Variants in WWOX observed in about 807,000 individuals in gnomAD.
WWOX encodes the protein WW domain containing oxidoreductase.
WWOX carries 69 observed loss-of-function variants against 46.2 expected under a neutral mutation model. The ratio of observed to expected loss-of-function variants is 1.49; its 90% CI spans 1.23 to 1.82. The LOEUF is 1.82. Ranked by LOEUF, WWOX falls within the 40% of genes most tolerant of loss-of-function variation. The pLI is 0.00. For synonymous variants in WWOX, 359 were observed against 202.6 expected, an observed-to-expected ratio of 1.77 and a Z score of -6.56; for missense variants, 919 against 542.6, an observed-to-expected ratio of 1.69 and a Z score of -6.89.
intron 8 of WWOX, among the ~76,000 whole-genome samples, chr16:78,697,014 G>A (rs1042534647): frequency 2.6e-5 from 4 of 152,216 alleles, no homozygotes; most frequent in African/African-American, 9.7e-5. Flanking sequence ...TCATGGCTGA[G>A]TAGTATTCCA....
intron 8 of WWOX, among the ~76,000 whole-genome samples, chr16:78,744,020 A>C (rs1293526225): frequency 6.6e-6 from 1 of 152,070 alleles, no homozygotes; most frequent in Non-Finnish European, 1.5e-5. Context: ...GTTTTGTCCA[A>C]TTCTTTATTC....
At chr16:78,722,025 G>T (rs140551102) in intron 8 of WWOX, among the ~76,000 whole-genome samples, 1 of 152,286 alleles carries the variant, frequency 6.6e-6, no homozygotes, top group East Asian at 1.9e-4. Context: ...CTAGAAGGTG[G>T]TATTTTGCAT....
At chr16:78,680,156 T>A (rs2047695861) in intron 8 of WWOX, among the ~76,000 whole-genome samples, 1 of 152,202 alleles carries the variant, frequency 6.6e-6, no homozygotes, top group African/African-American at 2.4e-5. Flanking sequence ...ACGCCTGTAA[T>A]CCCAGCACTG....
At chr16:78,560,207 C>T (rs1046582618) in intron 8 of WWOX, among the ~76,000 whole-genome samples, 1 of 152,100 alleles carries the variant, frequency 6.6e-6, no homozygotes, top group Non-Finnish European at 1.5e-5. Context: ...GAAACAGGTA[C>T]CTTTTGTGGA....
intron 8 of WWOX, among the ~76,000 whole-genome samples, chr16:79,151,433 G>C (rs115841167): frequency 1.2e-3 from 179 of 152,336 alleles, no homozygotes; most frequent in African/African-American, 3.9e-3. Flanking sequence ...CCCTGGACCA[G>C]ACATTCCTCA....
chr16:78,143,221 A>G (rs1404670497), intron 4 of WWOX, among the ~76,000 whole-genome samples: 2 of 152,258 alleles, frequency 1.3e-5, no homozygotes, highest in Non-Finnish European at 2.9e-5. Flanking sequence ...CTGCTTTCAT[A>G]GAAACTTGTA....
At chr16:78,949,897 C>T (rs11647189) in intron 8 of WWOX, among the ~76,000 whole-genome samples, 45,497 of 152,092 alleles carry the variant, frequency 0.3, 7,840 homozygotes, top group Non-Finnish European at 0.38. Context: ...TTAATAGTAG[C>T]AGCAGTATTT....
At chr16:79,144,711 C>T (rs2050152622) in intron 8 of WWOX, among the ~76,000 whole-genome samples, 1 of 152,124 alleles carries the variant, frequency 6.6e-6, no homozygotes, top group Admixed American at 6.5e-5. Context: ...ACCTAATGTT[C>T]TGTACAGTAG....
chr16:78,473,677 T>C (rs989205775), intron 8 of WWOX, among the ~76,000 whole-genome samples: 4 of 152,148 alleles, frequency 2.6e-5, no homozygotes, highest in African/African-American at 9.7e-5. Flanking sequence ...TTTGGAATTG[T>C]CTTAAACAAG....
At chr16:78,481,760 T>C (rs1326058937) in intron 8 of WWOX, among the ~76,000 whole-genome samples, 36 of 148,392 alleles carry the variant, frequency 2.4e-4, no homozygotes, top group African/African-American at 8.3e-4. Flanking sequence ...TGTGTGTGTG[T>C]GTGTGCGCGC....
intron 5 of WWOX, among the ~76,000 whole-genome samples, chr16:78,191,365 A>G (rs1011174713): frequency 1.3e-5 from 2 of 152,178 alleles, no homozygotes; most frequent in Non-Finnish European, 2.9e-5. Context: ...TTTTTCTTTG[A>G]TCATAGGTAG....
At chr16:78,793,082 C>A (rs1399719431) in intron 8 of WWOX, among the ~76,000 whole-genome samples, 1 of 152,148 alleles carries the variant, frequency 6.6e-6, no homozygotes, top group Non-Finnish European at 1.5e-5. Flanking sequence ...TATATCTAAT[C>A]TATTTTTTGA....
chr16:78,738,269 A>G (rs1330318361), intron 8 of WWOX, among the ~76,000 whole-genome samples: 1 of 152,130 alleles, frequency 6.6e-6, no homozygotes, highest in Non-Finnish European at 1.5e-5. Flanking sequence ...CCTTTCTAAT[A>G]TTATATATTA....
chr16:78,518,019 C>T (rs999944914), intron 8 of WWOX, among the ~76,000 whole-genome samples: 2 of 151,658 alleles, frequency 1.3e-5, no homozygotes, highest in Non-Finnish European at 1.5e-5. Context: ...TATTCCAGCC[C>T]CCACCTTCCT....
intron 6 of WWOX, among the ~76,000 whole-genome samples, chr16:78,413,711 G>T (rs895672827): frequency 4.6e-5 from 7 of 151,822 alleles, no homozygotes; most frequent in African/African-American, 1.7e-4. Flanking sequence ...ACACTGATTT[G>T]TTGGCTTGAA....
chr16:78,397,681 G>C (rs2082319525), intron 6 of WWOX, among the ~76,000 whole-genome samples: 1 of 152,192 alleles, frequency 6.6e-6, no homozygotes, highest in Non-Finnish European at 1.5e-5. Flanking sequence ...ACTGCCTAGT[G>C]GGACAATTAG....
At chr16:78,573,960 C>G (rs1367146539) in intron 8 of WWOX, among the ~76,000 whole-genome samples, 2 of 152,184 alleles carry the variant, frequency 1.3e-5, no homozygotes, top group African/African-American at 4.8e-5. Context: ...AAGTTGCAAT[C>G]ATATATTGGC....
At chr16:78,973,516 G>A (rs1458243076) in intron 8 of WWOX, among the ~76,000 whole-genome samples, 4 of 152,126 alleles carry the variant, frequency 2.6e-5, no homozygotes, top group Non-Finnish European at 4.4e-5. Context: ...TGATGAATAC[G>A]AAGCCTCCCT....
intron 8 of WWOX, among the ~76,000 whole-genome samples, chr16:78,990,652 A>G (rs931428465): frequency 1.3e-5 from 2 of 152,182 alleles, no homozygotes; most frequent in African/African-American, 4.8e-5. Context: ...ATGAAAGAAG[A>G]AAAAGGAGGA....
Sources: allele counts gnomAD v4.1 joint callset (sites outside exome capture counted in the v4.1 genomes callset), GRCh38; gene constraint gnomAD v4.1.1; transcripts MANE v1.5; gene names NCBI Gene and HGNC (gene_info 2026-07-23, HGNC 2026-07-21).